The following PAPPA2 variants were observed in gnomAD, a reference collection of about 807,000 sequenced individuals.
PAPPA2 encodes the protein pappalysin 2.
A neutral mutation model predicts 176.4 loss-of-function variants in PAPPA2; 86 were observed. The observed-to-expected ratio is 0.49, with a 90% CI of 0.41 to 0.58. The LOEUF (loss-of-function observed/expected upper bound fraction) is 0.58, where lower values mean the gene tolerates loss of function less well. Ranked by LOEUF, PAPPA2 falls within the 20% of genes least tolerant of loss-of-function variation. The probability of loss-of-function intolerance (pLI) is 0.00; values close to 1 mark genes in which losing one functional copy is unlikely to be tolerated. For missense variants in PAPPA2, 2,073 were observed against 2,256.9 expected, an observed-to-expected ratio of 0.92 and a Z score of 1.65; for synonymous variants, 809 against 852.2, an observed-to-expected ratio of 0.95 and a Z score of 0.88.
In PAPPA2 at chr1:176,765,743, C is replaced by T. The variant is rs1214091354; in HGVS notation, c.4229C>T (p.Thr1410Ile). 3.7e-6 allele frequency: 6 copies of T among 1,614,038 alleles called. No homozygotes were observed. The highest frequency in any genetic ancestry group is 5.1e-6 in the Non-Finnish European group (6 of 1,180,026). ...LLDHADVVNCTSIGPGLMKCA... is the reference protein window; with the variant it reads ...LLDHADVVNCISIGPGLMKCA... ...GATCATGCTGATGTGGTGAACTGTA[C>T]CTCTATAGGCCCAGGTCTCATGAAG... is the stretch of plus-strand genomic sequence containing the variant. The change falls in exon 15 of 23, where the codon ACC becomes ATC. Residue 1410 changes from threonine (T) to isoleucine (I), a missense_variant. Thr to Ile is a moderately conservative substitution (Grantham distance 89, BLOSUM62 -1). Around this residue, in one of 4 missense-constraint regions of PAPPA2, gnomAD observed 846 missense variants for 857.9 expected, o/e 0.99. Transcript: ENST00000367662.
chr1:176,560,716 C>T (rs1402986530), intron 2 of PAPPA2, among the ~76,000 whole-genome samples: 1 of 152,238 alleles, frequency 6.6e-6, no homozygotes, highest in Non-Finnish European at 1.5e-5. Context: ...AACCTTGAAA[C>T]CATCCTGTTC....
At chr1:176,792,477 T>A (rs1163400667) in intron 19 of PAPPA2, among the ~76,000 whole-genome samples, 2 of 152,214 alleles carry the variant, frequency 1.3e-5, no homozygotes, top group Non-Finnish European at 2.9e-5. Context: ...CAGATGCTCC[T>A]CTTGGGTGGT....
At chr1:176,544,976 A>T (rs1291038788) in intron 1 of PAPPA2, among the ~76,000 whole-genome samples, 1 of 152,194 alleles carries the variant, frequency 6.6e-6, no homozygotes, top group Non-Finnish European at 1.5e-5. Context: ...CCAGCCAGCC[A>T]ACTGCCCAGT....
intron 14 of PAPPA2, among the ~76,000 whole-genome samples, chr1:176,760,924 C>A (rs1018762469): frequency 6.6e-6 from 1 of 152,072 alleles, no homozygotes; most frequent in Admixed American, 6.6e-5. Flanking sequence ...TGGGTTCATG[C>A]CATTCTCCTG....
At chr1:176,549,383 A>C (rs2102578329) in intron 1 of PAPPA2, among the ~76,000 whole-genome samples, 1 of 152,336 alleles carries the variant, frequency 6.6e-6, no homozygotes, top group South Asian at 2.1e-4. Context: ...GTCTTTTATA[A>C]ATGAGAAGAT....
intron 2 of PAPPA2, among the ~76,000 whole-genome samples, chr1:176,575,129 A>C (rs1652572156): frequency 2.0e-5 from 3 of 152,156 alleles, no homozygotes; most frequent in Non-Finnish European, 4.4e-5. Flanking sequence ...CTTCCTTAGG[A>C]AGGAGACCCC....
chr1:176,830,994 A>G lies in PAPPA2; in HGVS notation c.5203-9179A>G, dbSNP rs114329003. On this transcript the variant is annotated intron_variant, in intron 21 of 22. Transcript: ENST00000367662. ...GAATCACTGGAATAAAATCTTGACAAATGAATTGTACAGGATCAGCTTCAC... is the reference window on the plus strand; with the variant it reads ...GAATCACTGGAATAAAATCTTGACAGATGAATTGTACAGGATCAGCTTCAC... Among the ~76,000 whole-genome samples, 998 of 152,344 alleles carry G rather than the reference A, an allele frequency of 6.6e-3. 14 individuals are homozygous for G. Among genetic ancestry groups the G allele is most frequent in the African/African-American group, 0.022 (931 of 41,580 alleles).
chr1:176,725,689 TACAC>T (rs151017868), intron 12 of PAPPA2, among the ~76,000 whole-genome samples: 9,673 of 152,274 alleles, frequency 0.064, 496 homozygotes, highest in East Asian at 0.15. Context: ...CACACCCGGT[TACAC>T]ACACACGCAC....
At chr1:176,708,687 T>C (rs1379424142) in intron 10 of PAPPA2, among the ~76,000 whole-genome samples, 1 of 152,096 alleles carries the variant, frequency 6.6e-6, no homozygotes, top group African/African-American at 2.4e-5. Context: ...GACAGTGGCT[T>C]ATATCTGGCA....
At chr1:176,477,105 G>T (rs1652164384) in intron 1 of PAPPA2, among the ~76,000 whole-genome samples, 1 of 152,136 alleles carries the variant, frequency 6.6e-6, no homozygotes, top group Non-Finnish European at 1.5e-5. Context: ...CTGCTCTCAG[G>T]AAGAGAAATC....
intron 3 of PAPPA2, among the ~76,000 whole-genome samples, chr1:176,650,039 C>T (rs1241700683): frequency 6.6e-6 from 1 of 151,538 alleles, no homozygotes; most frequent in Non-Finnish European, 1.5e-5. Context: ...TTTCTCTTTA[C>T]ATCTATTAAT....
At chr1:176,805,327 G>A (rs1222262425) in intron 21 of PAPPA2, among the ~76,000 whole-genome samples, 2 of 152,074 alleles carry the variant, frequency 1.3e-5, no homozygotes, top group Non-Finnish European at 2.9e-5. Flanking sequence ...CTTTCTCTGT[G>A]AGCATGTATT....
At chr1:176,482,555 C>T (rs1314558237) in intron 1 of PAPPA2, among the ~76,000 whole-genome samples, 1 of 152,082 alleles carries the variant, frequency 6.6e-6, no homozygotes, top group Non-Finnish European at 1.5e-5. Flanking sequence ...CCAAAAAGCC[C>T]AGGGACAGCT....
intron 1 of PAPPA2, among the ~76,000 whole-genome samples, chr1:176,490,025 C>T (rs181884059): frequency 6.6e-6 from 1 of 152,104 alleles, no homozygotes; most frequent in Non-Finnish European, 1.5e-5. Context: ...AGACCAGACT[C>T]CAGGAAAACA....
chr1:176,697,842 G>T (rs756425095), intron 7 of PAPPA2, among the ~76,000 whole-genome samples: 2 of 151,966 alleles, frequency 1.3e-5, no homozygotes, highest in Admixed American at 1.3e-4. Context: ...TGTCTCTCTT[G>T]TTCACTCCTC....
At chr1:176,489,846 T>G (rs905209757) in intron 1 of PAPPA2, among the ~76,000 whole-genome samples, 2 of 152,228 alleles carry the variant, frequency 1.3e-5, no homozygotes, top group African/African-American at 4.8e-5. Flanking sequence ...TGCCCATCAT[T>G]AATTCCTTAA....
chr1:176,800,351 A>G (rs931884236), intron 21 of PAPPA2, among the ~76,000 whole-genome samples: 2 of 152,178 alleles, frequency 1.3e-5, no homozygotes, highest in African/African-American at 4.8e-5. Flanking sequence ...TCCACTTTAA[A>G]TGACTTAATA....
intron 2 of PAPPA2, among the ~76,000 whole-genome samples, chr1:176,583,121 C>T (rs1465341267): frequency 2.0e-5 from 3 of 151,894 alleles, no homozygotes; most frequent in African/African-American, 7.2e-5. Context: ...TTTATTTGGG[C>T]CTTTTTCTTT....
intron 3 of PAPPA2, among the ~76,000 whole-genome samples, chr1:176,596,922 T>C (rs555302168): frequency 2.6e-5 from 4 of 152,216 alleles, no homozygotes; most frequent in Non-Finnish European, 4.4e-5. Context: ...TTTGTTCAAA[T>C]TATGAAAAGG....
Sources: gnomAD v4.1 joint callset for allele counts (sites outside exome capture counted in the v4.1 genomes callset) on GRCh38, gnomAD v4.1.1 for gene constraint, gnomAD v4.1.1 regional missense constraint, MANE v1.5 for transcripts, NCBI Gene and HGNC (gene_info 2026-07-23, HGNC 2026-07-21) for gene names.